CFDP1: variants seen among roughly 807,000 people sequenced by gnomAD.
The protein encoded by CFDP1 is chromatin remodeling protein CFDP1.
A neutral mutation model predicts 40.1 loss-of-function variants in CFDP1; 31 were observed. The ratio of observed to expected loss-of-function variants is 0.77; its 90% confidence interval spans 0.58 to 1.04. The LOEUF (loss-of-function observed/expected upper bound fraction) is 1.04. CFDP1 is among the 50% of genes least tolerant of loss of function. The pLI is 0.00. For synonymous variants in CFDP1, 167 were observed against 120.0 expected (o/e 1.39, Z -2.56); for missense variants, 423 against 343.4 (o/e 1.23, Z -1.83).
chr16:75,408,801 T>C (rs1288565031), intron 4 of CFDP1, among the ~76,000 whole-genome samples: 1 of 151,736 alleles, frequency 6.6e-6, no homozygotes, highest in Non-Finnish European at 1.5e-5. Context: ...AAAAAAATAG[T>C]GTTGATTCAA....
Position 75,376,829 on chromosome 16 carries a change from C to T in CFDP1, c.650+18261G>A, listed in dbSNP as rs116872622. Among the ~76,000 whole-genome samples, 1,006 of 152,328 alleles carry T rather than the reference C, an allele frequency of 6.6e-3. 11 individuals carry two copies. Among genetic ancestry groups the T allele is most frequent in the Middle Eastern group, 0.017 (5 of 294 alleles). ...TTGGTATGACAACACCTGAGAGTTA[C>T]CGCCCCTTCCCAGAGCAATGACCTG... On this transcript the variant is annotated intron_variant, in intron 5 of 6. Transcript: ENST00000283882.
intron 1 of CFDP1, among the ~76,000 whole-genome samples, chr16:75,424,351 A>G (rs1485977745): frequency 6.6e-6 from 1 of 152,226 alleles, no homozygotes; most frequent in African/African-American, 2.4e-5. Context: ...AAGTTACTCA[A>G]TGCTAAAGGG....
chr16:75,337,342 G>A (rs1224888466), intron 5 of CFDP1, among the ~76,000 whole-genome samples: 4 of 152,192 alleles, frequency 2.6e-5, no homozygotes, highest in African/African-American at 7.2e-5. Flanking sequence ...AAGGATGGTG[G>A]AGTCGCTGCT....
At chr16:75,329,726 T>A (rs9936648) in intron 5 of CFDP1, among the ~76,000 whole-genome samples, 32,578 of 152,186 alleles carry the variant, frequency 0.21, 3,856 homozygotes, top group African/African-American at 0.31. Context: ...TTTTATAACA[T>A]CAAAGTACCT....
At chr16:75,372,326 C>G (rs1439256831) in intron 5 of CFDP1, 1 of 152,148 alleles carries the variant, frequency 6.6e-6, no homozygotes, top group Non-Finnish European at 1.5e-5. Context: ...GTTTTCATAT[C>G]TGTTCATGAA....
At chr16:75,402,366 CA>C (rs2079063162) in intron 4 of CFDP1, among the ~76,000 whole-genome samples, 1 of 152,134 alleles carries the variant, frequency 6.6e-6, no homozygotes, top group Admixed American at 6.6e-5. Context: ...TGGCTTTTTC[CA>C]AAAGGTGAAT....
At chr16:75,309,299 G>C (rs4536500) in intron 5 of CFDP1, among the ~76,000 whole-genome samples, 125,784 of 152,140 alleles carry the variant, frequency 0.83, 52,205 homozygotes, top group Middle Eastern at 0.9. Flanking sequence ...AAAGGTACAT[G>C]AACCAGGCTT....
chr16:75,429,515 G>A (rs1213731439), intron 1 of CFDP1, among the ~76,000 whole-genome samples: 1 of 152,116 alleles, frequency 6.6e-6, no homozygotes, highest in Non-Finnish European at 1.5e-5. Flanking sequence ...TTAGCTGGGT[G>A]TGGTGGTGGG....
intron 5 of CFDP1, among the ~76,000 whole-genome samples, chr16:75,342,592 C>T (rs1161882472): frequency 6.6e-6 from 1 of 152,180 alleles, no homozygotes; most frequent in Non-Finnish European, 1.5e-5. Context: ...TTCTGCCTGG[C>T]CCTGTACATC....
At chr16:75,347,658 G>A (rs1374924867) in intron 5 of CFDP1, among the ~76,000 whole-genome samples, 1 of 152,100 alleles carries the variant, frequency 6.6e-6, no homozygotes, top group Non-Finnish European at 1.5e-5. Context: ...CAGCCTGGGT[G>A]AAAGAGCGAG....
chr16:75,411,490 G>A (rs997353371), intron 4 of CFDP1, among the ~76,000 whole-genome samples: 3 of 152,138 alleles, frequency 2.0e-5, no homozygotes, highest in African/African-American at 7.2e-5. Flanking sequence ...CTTCAATGGG[G>A]CTCATATTGC....
At chr16:75,303,748 C>T (rs771816848) in intron 6 of CFDP1, among the ~76,000 whole-genome samples, 59 of 152,136 alleles carry the variant, frequency 3.9e-4, no homozygotes, top group African/African-American at 1.3e-3. Flanking sequence ...ATTACATATA[C>T]GTAAGCAATA....
chr16:75,336,980 T>C (rs1416523566), intron 5 of CFDP1, among the ~76,000 whole-genome samples: 2 of 152,240 alleles, frequency 1.3e-5, no homozygotes, highest in East Asian at 1.9e-4. Flanking sequence ...GGGGATCTTA[T>C]GGAAATCTGC....
chr16:75,397,135 T>C (rs3096250), intron 4 of CFDP1, among the ~76,000 whole-genome samples: 2,258 of 151,856 alleles, frequency 0.015, 42 homozygotes, highest in African/African-American at 0.044. Context: ...AGGATGGTCT[T>C]GATCTCCTGA....
At chr16:75,331,275 T>A (rs1457405429) in intron 5 of CFDP1, among the ~76,000 whole-genome samples, 2 of 152,188 alleles carry the variant, frequency 1.3e-5, no homozygotes, top group Non-Finnish European at 2.9e-5. Flanking sequence ...CACAGATTTT[T>A]TAAAATTTTG....
chr16:75,393,800 C>G (rs1214286301), intron 5 of CFDP1, among the ~76,000 whole-genome samples: 2 of 142,656 alleles, frequency 1.4e-5, no homozygotes, highest in Non-Finnish European at 3.0e-5. Context: ...TGGCTCACGC[C>G]TGTAATCCTA....
At chr16:75,384,070 G>C (rs548430321) in intron 5 of CFDP1, among the ~76,000 whole-genome samples, 17 of 152,194 alleles carry the variant, frequency 1.1e-4, no homozygotes, top group African/African-American at 3.9e-4. Context: ...TTTCAAAAGA[G>C]GAAAAATTTT....
At chr16:75,403,770 A>G (rs1001604662) in intron 4 of CFDP1, among the ~76,000 whole-genome samples, 7 of 152,196 alleles carry the variant, frequency 4.6e-5, no homozygotes, top group Admixed American at 6.6e-5. Flanking sequence ...CCCCTACTGG[A>G]TGTACAACTC....
At chr16:75,344,612 C>G (rs1024296755) in intron 5 of CFDP1, among the ~76,000 whole-genome samples, 2 of 152,182 alleles carry the variant, frequency 1.3e-5, no homozygotes, top group Non-Finnish European at 2.9e-5. Flanking sequence ...ATAACCCTTA[C>G]AAAGAGCCCA....
Sources: gnomAD v4.1 joint callset for allele counts (sites outside exome capture counted in the v4.1 genomes callset) on GRCh38, gnomAD v4.1.1 for gene constraint, MANE v1.5 for transcripts, NCBI Gene and HGNC (gene_info 2026-07-23, HGNC 2026-07-21) for gene names.